Variants in EPB41L3 observed in about 807,000 individuals in gnomAD.
EPB41L3 encodes the protein band 4.1-like protein 3.
A neutral mutation model predicts 127.1 loss-of-function variants in EPB41L3; 57 were observed. The ratio of observed to expected loss-of-function variants is 0.45; its 90% CI spans 0.36 to 0.56. The LOEUF is 0.56. Among genes scored for constraint, EPB41L3 ranks in the 20% least tolerant of loss-of-function variants. EPB41L3 has a pLI of 0.00. For synonymous variants in EPB41L3, 572 were observed against 549.5 expected (o/e 1.04, Z -0.57); for missense variants, 1,273 against 1,372.2 (o/e 0.93, Z 1.14).
chr18:5,481,435 C>A (rs904126239), intron 2 of EPB41L3, among the ~76,000 whole-genome samples: 2 of 152,140 alleles, frequency 1.3e-5, no homozygotes, highest in African/African-American at 4.8e-5. Context: ...AATAAAAGTG[C>A]AGAAAATCTT....
intron 1 of EPB41L3, among the ~76,000 whole-genome samples, chr18:5,505,622 T>C (rs1355014136): frequency 2.8e-4 from 22 of 78,172 alleles, no homozygotes; most frequent in African/African-American, 7.5e-4. Context: ...TCCACCTCTA[T>C]GGTCCACACC....
chr18:5,529,188 T>G (rs1407444938), intron 1 of EPB41L3, among the ~76,000 whole-genome samples: 1 of 152,232 alleles, frequency 6.6e-6, no homozygotes, highest in African/African-American at 2.4e-5. Context: ...TGCTTTAAGC[T>G]GAGCTGCCTG....
intron 3 of EPB41L3, among the ~76,000 whole-genome samples, chr18:5,570,468 T>C (rs1273974824): frequency 6.6e-6 from 1 of 152,236 alleles, no homozygotes; most frequent in Non-Finnish European, 1.5e-5. Flanking sequence ...ATGGCTGTCT[T>C]GGGTACTAAA....
chr18:5,587,071 T>TA (rs1358730116), intron 3 of EPB41L3, among the ~76,000 whole-genome samples: 1 of 152,168 alleles, frequency 6.6e-6, no homozygotes, highest in African/African-American at 2.4e-5. Flanking sequence ...TGCAAATGTA[T>TA]ATCTTGGGCA....
rs541046283 is a variant in EPB41L3, at chr18:5,435,481, T to A, written c.606-1360A>T. ...CGTTTTCTATGTTTAGATACACAAA[T>A]ACTTACCATTGTGTTATAATTTCCC... is the stretch of plus-strand genomic sequence containing the variant. On this transcript the variant is annotated intron_variant, in intron 6 of 22. Transcript: ENST00000341928. Among the ~76,000 whole-genome samples, 8 of 152,320 alleles carry A rather than the reference T, an allele frequency of 5.3e-5. No homozygotes were observed. In the South Asian group the frequency reaches 1.7e-3, roughly 32 times the overall value.
At chr18:5,588,275 G>A (rs1221605407) in intron 3 of EPB41L3, among the ~76,000 whole-genome samples, 2 of 152,006 alleles carry the variant, frequency 1.3e-5, no homozygotes, top group Non-Finnish European at 2.9e-5. Context: ...CCTGAAGATA[G>A]AACTCAAAAC....
chr18:5,462,048 G>A (rs973760759), intron 3 of EPB41L3, among the ~76,000 whole-genome samples: 2 of 152,084 alleles, frequency 1.3e-5, no homozygotes, highest in Non-Finnish European at 2.9e-5. Context: ...GAAAAATGCT[G>A]GAGGCTACAC....
At chr18:5,508,766 CAAAAAAAAAAAAAA>C (rs397969769) in intron 1 of EPB41L3, among the ~76,000 whole-genome samples, 2 of 52,596 alleles carry the variant, frequency 3.8e-5, no homozygotes, top group Non-Finnish European at 8.5e-5. Flanking sequence ...GACTCCATCT[CAAAAAAAAAAAAAA>C]AAAAAAAAGA....
chr18:5,430,287 C>T lies in EPB41L3; in HGVS notation c.913-1822G>A, dbSNP rs187217728. ...GGCACTGAAATAAACTACCACTTGT[C>T]TTCCTTCTCCTGGAGACAAAAGCTG... On this transcript the variant is annotated intron_variant, in intron 8 of 22. Coordinates refer to ENST00000341928, the MANE Select transcript of EPB41L3 (RefSeq NM_012307.5). Among the ~76,000 whole-genome samples the T allele has an allele frequency of 6.0e-4, 92 of 152,304 alleles. 1 individual carries two copies. The East Asian group carries it at 0.014, about 23-fold the overall frequency.
intron 1 of EPB41L3, among the ~76,000 whole-genome samples, chr18:5,509,317 T>A (rs2092397836): frequency 6.6e-6 from 1 of 152,184 alleles, no homozygotes; most frequent in African/African-American, 2.4e-5. Context: ...GAATTGCATC[T>A]TAAAGGACCA....
At chr18:5,456,259 T>TA (rs1169286186) in intron 3 of EPB41L3, among the ~76,000 whole-genome samples, 1 of 152,184 alleles carries the variant, frequency 6.6e-6, no homozygotes, top group Non-Finnish European at 1.5e-5. Context: ...AACTATGTAC[T>TA]AAGTGAATCT....
At chr18:5,529,053 G>A (rs1162673931) in intron 1 of EPB41L3, 2 of 152,184 alleles carry the variant, frequency 1.3e-5, no homozygotes. Flanking sequence ...AAGAAAGAGA[G>A]CATATTAAGG....
chr18:5,624,631 T>C (rs987019360), intron 1 of EPB41L3, among the ~76,000 whole-genome samples: 2 of 152,144 alleles, frequency 1.3e-5, no homozygotes, highest in East Asian at 3.9e-4. Flanking sequence ...TGACTTGACA[T>C]GGGATTGGAA....
chr18:5,601,186 T>C (rs761768531), intron 3 of EPB41L3, among the ~76,000 whole-genome samples: 1 of 152,184 alleles, frequency 6.6e-6, no homozygotes, highest in East Asian at 1.9e-4. Flanking sequence ...TGTTCAATTA[T>C]GGTTAAGCAG....
chr18:5,415,280 AC>A (rs2076660215), intron 13 of EPB41L3, among the ~76,000 whole-genome samples: 1 of 152,214 alleles, frequency 6.6e-6, no homozygotes, highest in South Asian at 2.1e-4. Context: ...TCTGTGAGTA[AC>A]AATGACTGTC....
chr18:5,578,185 A>T (rs1268649010), intron 3 of EPB41L3, among the ~76,000 whole-genome samples: 1 of 152,224 alleles, frequency 6.6e-6, no homozygotes, highest in East Asian at 1.9e-4. Flanking sequence ...GTATGCCAGC[A>T]CTTACAGTTC....
intron 1 of EPB41L3, among the ~76,000 whole-genome samples, chr18:5,524,685 G>A (rs541589300): frequency 1.9e-4 from 29 of 152,344 alleles, no homozygotes; most frequent in African/African-American, 6.7e-4. Context: ...GGCCAAGCAA[G>A]AAGGCCAAAT....
At chr18:5,421,091 T>C (rs1371862528) in intron 11 of EPB41L3, among the ~76,000 whole-genome samples, 1 of 152,164 alleles carries the variant, frequency 6.6e-6, no homozygotes, top group African/African-American at 2.4e-5. Context: ...GAAAACATAC[T>C]AGAGCTGGCA....
intron 2 of EPB41L3, among the ~76,000 whole-genome samples, 195 bp from the exon 3 acceptor site, chr18:5,478,633 G>T (rs905522067): frequency 2.0e-5 from 3 of 152,096 alleles, no homozygotes; most frequent in African/African-American, 4.8e-5. Context: ...GTATCAATAA[G>T]GCCTTATTTC....
Sources: allele counts gnomAD v4.1 joint callset (sites outside exome capture counted in the v4.1 genomes callset), GRCh38; gene constraint gnomAD v4.1.1; transcripts MANE v1.5; gene names NCBI Gene and HGNC (gene_info 2026-07-23, HGNC 2026-07-21).